CABIN1: variants seen among roughly 807,000 people sequenced by gnomAD.
CABIN1 encodes the protein calcineurin-binding protein cabin-1.
CABIN1 carries 133 observed loss-of-function variants against 227.7 expected under a neutral mutation model. The ratio of observed to expected loss-of-function variants is 0.58; its 90% CI spans 0.51 to 0.67. The LOEUF (loss-of-function observed/expected upper bound fraction) is 0.67. Among genes scored for constraint, CABIN1 ranks in the 30% least tolerant of loss-of-function variants. The pLI is 0.00. For synonymous variants in CABIN1, 1,086 were observed against 1,155.1 expected, an observed-to-expected ratio of 0.94 and a Z score of 1.21; for missense variants, 2,408 against 2,852.5, an observed-to-expected ratio of 0.84 and a Z score of 3.55.
chr22:24,049,074 G>C lies in CABIN1; in HGVS notation c.527-17G>C, dbSNP rs2038119230. 3.7e-6 allele frequency: 6 copies of C among 1,613,406 alleles called. No individual in the cohort carries two copies. Among genetic ancestry groups the C allele is most frequent in the South Asian group, 2.2e-5 (2 of 91,032 alleles). ...AGTGCGGTCTCAGAAGTCATAAACTGTCTCTTTCCCCGCCAGCATGTCTGT... is the reference window on the plus strand; with the variant it reads ...AGTGCGGTCTCAGAAGTCATAAACTCTCTCTTTCCCCGCCAGCATGTCTGT... On this transcript the variant is annotated splice_polypyrimidine_tract_variant and intron_variant, in intron 6 of 36. Coordinates refer to ENST00000263119, the MANE Select transcript of CABIN1 (RefSeq NM_012295.4).
intron 24 of CABIN1, 77 bp downstream of exon 24, chr22:24,091,920 C>T (rs2041569380): frequency 1.3e-6 from 2 of 1,574,766 alleles, no homozygotes; most frequent in South Asian, 1.1e-5. Context: ...GCATGTGGCT[C>T]AAGGTTCCAG....
chr22:24,172,138 C>G (rs1424760201), intron 34 of CABIN1, 143 bp downstream of exon 34: 2 of 976,032 alleles, frequency 2.0e-6, no homozygotes, highest in East Asian at 2.6e-5. Flanking sequence ...GGCAGGTGAC[C>G]GCGGGTCCAC....
Position 24,084,911 on chromosome 22 carries a change from G to A in CABIN1, c.3118-95G>A, listed in dbSNP as rs183718210. 2.4e-4 allele frequency: 380 copies of A among 1,567,208 alleles called. 1 individual carries two copies. The African/African-American group carries it at 4.3e-3, about 18-fold the overall frequency. ...CCAGACTGAGGGGCAGGAGAGGCTGGAGAGTCTGTCCTGTGACTAAACAGT... is the reference window on the plus strand; with the variant it reads ...CCAGACTGAGGGGCAGGAGAGGCTGAAGAGTCTGTCCTGTGACTAAACAGT... On this transcript the variant is annotated intron_variant, in intron 21 of 36. Coordinates refer to ENST00000263119, the MANE Select transcript of CABIN1 (RefSeq NM_012295.4).
At chr22:24,033,807 G>T (rs1393477166) in intron 1 of CABIN1, among the ~76,000 whole-genome samples, 2 of 152,130 alleles carry the variant, frequency 1.3e-5, no homozygotes, top group Non-Finnish European at 2.9e-5. Context: ...CAAATTCAGT[G>T]GTTTTTAGTA....
At chr22:24,165,777 C>A in intron 31 of CABIN1, 151 bp downstream of exon 31, 1 of 683,958 alleles carries the variant, frequency 1.5e-6, no homozygotes, top group Non-Finnish European at 2.6e-6. Flanking sequence ...TCCTGTCTTC[C>A]TAGGCAGGGA....
At chr22:24,036,331 T>C in intron 3 of CABIN1, 150 bp downstream of exon 3, 1 of 702,790 alleles carries the variant, frequency 1.4e-6, no homozygotes. Context: ...CTGTTAAACC[T>C]GTTTTACTTA....
chr22:24,074,307 A>G (rs963738126), intron 18 of CABIN1, among the ~76,000 whole-genome samples: 2 of 152,208 alleles, frequency 1.3e-5, no homozygotes, highest in African/African-American at 4.8e-5. Context: ...TTTGAAAAGT[A>G]CATCAAAGAA....
rs781422852 is a variant in CABIN1 at position 24,036,118 on chromosome 22, C to T, written c.33C>T (p.Ser11=). Residue 11 remains serine, a synonymous_variant, in exon 3 of 37, where the codon TCC becomes TCT. Coordinates refer to ENST00000263119, the MANE Select transcript of CABIN1 (RefSeq NM_012295.4). MIRIAALNAS[S]TIEDDHEGSF... is the part of the protein sequence containing the mutation. ...GAATTGCAGCCTTAAATGCCAGCTC[C>T]ACCATTGAGGATGATCATGAAGGAA... is the stretch of plus-strand genomic sequence containing the variant. The T allele has an allele frequency of 3.7e-6, 6 of 1,613,916 alleles. No homozygotes were observed. The highest frequency in any genetic ancestry group is 5.1e-6 in the Non-Finnish European group (6 of 1,179,872).
At chr22:24,038,265 G>A in intron 3 of CABIN1, 83 bp from the exon 4 acceptor site, 2 of 1,072,048 alleles carry the variant, frequency 1.9e-6, no homozygotes, top group Non-Finnish European at 2.9e-6. Context: ...TCCTCTGACT[G>A]TAGCCCCGCC....
chr22:24,057,685 G>A (rs571885366), intron 10 of CABIN1, among the ~76,000 whole-genome samples: 1 of 152,362 alleles, frequency 6.6e-6, no homozygotes, highest in Admixed American at 6.5e-5. Flanking sequence ...TTATTTTACA[G>A]CAAGATTCCT....
chr22:24,103,812 A>C (rs2147546588), intron 26 of CABIN1, among the ~76,000 whole-genome samples: 1 of 152,228 alleles, frequency 6.6e-6, no homozygotes, highest in East Asian at 1.9e-4. Flanking sequence ...GCCATGGGGA[A>C]AGTCAAGATG....
Position 24,164,271 on chromosome 22 carries a change from C to A in CABIN1, c.4747-129C>A. 6 of 1,147,784 alleles carry A rather than the reference C, an allele frequency of 5.2e-6. No individual in the cohort carries two copies. In the South Asian group the frequency reaches 6.5e-5, roughly 12 times the overall value. 71.1% of individuals were successfully genotyped at this position (1,147,784 alleles called of 1,614,324 possible). ...GTCTCCTTGGGACAGTGAGAGGGGT[C>A]CAAGAAGCCCCTGGCTGGGCAGTGT... On this transcript the variant is annotated intron_variant, in intron 29 of 36. Coordinates refer to ENST00000263119, the MANE Select transcript of CABIN1 (RefSeq NM_012295.4).
intron 16 of CABIN1, 69 bp from the exon 17 acceptor site, chr22:24,070,731 T>C: frequency 6.2e-7 from 1 of 1,611,768 alleles, no homozygotes; most frequent in Admixed American, 1.7e-5. Context: ...TTCAGTTGTC[T>C]CTGCTCAGGC....
At chr22:24,113,426 T>C in intron 26 of CABIN1, 140 bp from the exon 27 acceptor site, 1 of 816,704 alleles carries the variant, frequency 1.2e-6, no homozygotes, top group Admixed American at 1.7e-5. Flanking sequence ...GGCCCAGCAG[T>C]GTCGAATGGC....
At chr22:24,061,914 A>G (rs1337791451) in intron 12 of CABIN1, 33 bp from the exon 13 acceptor site, 3 of 1,539,168 alleles carry the variant, frequency 1.9e-6, no homozygotes, top group Admixed American at 3.3e-5. Context: ...GCTTTGTGAT[A>G]CTGTTCTTGA....
intron 34 of CABIN1, chr22:24,175,880 C>T (rs2047075337): frequency 4.8e-6 from 3 of 620,188 alleles, no homozygotes; most frequent in Admixed American, 2.4e-5. Flanking sequence ...TCTCGGGAGG[C>T]GGAGGAGCCC....
intron 29 of CABIN1, among the ~76,000 whole-genome samples, chr22:24,161,003 C>CA (rs763405862): frequency 8.5e-5 from 13 of 152,238 alleles, no homozygotes; most frequent in Non-Finnish European, 1.5e-4. Flanking sequence ...CCATGGGACT[C>CA]AGTGTTTGAG....
At chr22:24,145,422 C>A (rs559864162) in intron 29 of CABIN1, among the ~76,000 whole-genome samples, 1 of 152,324 alleles carries the variant, frequency 6.6e-6, no homozygotes, top group South Asian at 2.1e-4. Flanking sequence ...GCCATTGTCC[C>A]TGCCTCGCAA....
chr22:24,177,543 C>T lies in CABIN1; in HGVS notation c.6245C>T (p.Ala2082Val). Residue 2082 changes from alanine to valine, a missense_variant, in exon 36 of 37, where the codon GCT becomes GTT. By Grantham distance (64) the Ala-to-Val change is moderately conservative (BLOSUM62 0). Coordinates refer to ENST00000263119, the MANE Select transcript of CABIN1 (RefSeq NM_012295.4). This position sits in a 1 kb window ranked among gnomAD's most constrained non-coding sequence, Gnocchi z 4.4. Reference protein sequence around the residue: ...LRPEPRRDGEAQEAASETQPL... With the variant: ...LRPEPRRDGEVQEAASETQPL... ...CCTGAGCCGAGAAGGGATGGGGAGG[C>T]TCAGGAGGCTGCGAGTGAGACTCAG... is the stretch of plus-strand genomic sequence containing the variant. The T allele has an allele frequency of 6.4e-7, 1 of 1,571,758 alleles. No homozygotes were observed. Among genetic ancestry groups the T allele is most frequent in the Non-Finnish European group, 8.7e-7 (1 of 1,154,400 alleles).
Sources: allele counts gnomAD v4.1 joint callset (sites outside exome capture counted in the v4.1 genomes callset), GRCh38; gene constraint gnomAD v4.1.1; non-coding constraint Gnocchi (gnomAD v3.1); transcripts MANE v1.5; gene names NCBI Gene and HGNC (gene_info 2026-07-23, HGNC 2026-07-21).